Variants in RBM19 observed in about 807,000 individuals in gnomAD.
RBM19 encodes the protein RNA binding motif protein 19.
In RBM19, 94 loss-of-function variants were observed where a neutral mutation model predicts 116.8. The ratio of observed to expected loss-of-function variants is 0.80; its 90% confidence interval spans 0.68 to 0.95. The LOEUF is 0.95. Ranked by LOEUF, RBM19 falls within the 40% of genes least tolerant of loss-of-function variation. The pLI, the probability that RBM19 is intolerant of heterozygous loss-of-function variation, is 0.00. For missense variants in RBM19, 1,161 were observed against 1,220.7 expected (o/e 0.95, Z 0.73); for synonymous variants, 475 against 494.1 (o/e 0.96, Z 0.51).
intron 21 of RBM19, among the ~76,000 whole-genome samples, chr12:113,875,583 T>C (rs1879614043): frequency 6.6e-6 from 1 of 152,150 alleles, no homozygotes; most frequent in Non-Finnish European, 1.5e-5. Context: ...CTTGGACATC[T>C]TGGTGTATGT....
intron 23 of RBM19, among the ~76,000 whole-genome samples, chr12:113,830,982 GGGT>G (rs1383023759): frequency 6.6e-6 from 1 of 152,208 alleles, no homozygotes; most frequent in Non-Finnish European, 1.5e-5. Flanking sequence ...ACAGTCCAGG[GGGT>G]CGGGGGAGAC....
intron 23 of RBM19, among the ~76,000 whole-genome samples, chr12:113,828,691 G>T (rs994588423): frequency 6.6e-6 from 1 of 152,162 alleles, no homozygotes; most frequent in African/African-American, 2.4e-5. Flanking sequence ...GGGTACCGCA[G>T]GGGGGCTGGG....
chr12:113,822,689 C>T lies in RBM19; in HGVS notation c.*535G>A, dbSNP rs1271510169. ...ACAGGGCTCAGCACCATGCCCGGCA[C>T]TCTTCATGCATTACTGCGTTTATTT... On this transcript the variant is annotated 3_prime_UTR_variant, in exon 24 of 24. Transcript: ENST00000261741. The T allele has an allele frequency of 6.5e-6, 1 of 154,440 alleles. No individual in the cohort carries two copies. The highest frequency in any genetic ancestry group is 2.4e-5 in the African/African-American group (1 of 41,450). The allele number at this position is 154,440 out of a possible 1,614,324, so 9.6% of individuals were successfully genotyped here.
chr12:113,877,136 G>A lies in RBM19; in HGVS notation c.2559-18240C>T, dbSNP rs561957776. 2.6e-5 allele frequency among the ~76,000 whole-genome samples: 4 copies of A among 152,348 alleles called. No individual in the cohort carries two copies. In the East Asian group the frequency reaches 5.8e-4, roughly 22 times the overall value. On this transcript the variant is annotated intron_variant, in intron 21 of 23. Coordinates refer to ENST00000261741, the MANE Select transcript of RBM19 (RefSeq NM_016196.4). ...GTCTCACTCTCTGCAAATCAAGACA[G>A]GGAAGCTTCTCTAGGGTGTGGAGGT...
rs563653025 is a variant in RBM19, at chr12:113,935,963, G to A, written c.2068+1044C>T. On this transcript the variant is annotated intron_variant, in intron 16 of 23. Coordinates refer to ENST00000261741, the MANE Select transcript of RBM19 (RefSeq NM_016196.4). ...AGGCAGGAGAATTGCTTCAACCCAG[G>A]AGGCAGAGGTTGCAGTGAGCCAAGA... 2.0e-4 allele frequency among the ~76,000 whole-genome samples: 31 copies of A among 152,054 alleles called. No homozygotes were observed. The South Asian group carries it at 5.8e-3, about 29-fold the overall frequency.
intron 13 of RBM19, among the ~76,000 whole-genome samples, chr12:113,944,367 G>A (rs373804206): frequency 6.6e-5 from 10 of 151,838 alleles, no homozygotes; most frequent in East Asian, 3.9e-4. Context: ...CAAAGAGCTC[G>A]GTTTATAGGT....
At chr12:113,865,029 C>A (rs1171051958) in intron 21 of RBM19, among the ~76,000 whole-genome samples, 1 of 152,234 alleles carries the variant, frequency 6.6e-6, no homozygotes, top group Non-Finnish European at 1.5e-5. Context: ...TCATCTCTTC[C>A]AAATTGCTTA....
intron 21 of RBM19, among the ~76,000 whole-genome samples, chr12:113,897,578 G>T (rs1239355843): frequency 6.6e-6 from 1 of 152,264 alleles, no homozygotes; most frequent in Non-Finnish European, 1.5e-5. Context: ...TCGGGAGGCT[G>T]AGGTGGGAGG....
chr12:113,843,407 G>A (rs1876671402), intron 23 of RBM19, among the ~76,000 whole-genome samples: 1 of 152,172 alleles, frequency 6.6e-6, no homozygotes. Context: ...CGACAATGAG[G>A]TGGGGAGGAA....
intron 8 of RBM19, among the ~76,000 whole-genome samples, chr12:113,950,788 T>C (rs569603516): frequency 1.3e-5 from 2 of 152,268 alleles, no homozygotes; most frequent in South Asian, 4.1e-4. Context: ...TTTTCTGCCT[T>C]TAATCACAAG....
rs60891385 is a variant in RBM19 at position 113,822,358 on chromosome 12, A to G, written c.*866T>C. The G allele has an allele frequency of 0.1, 15,681 of 152,306 alleles. 1,010 individuals carry two copies. Among genetic ancestry groups the G allele is most frequent in the South Asian group, 0.24 (1,144 of 4,826 alleles). 9.4% of individuals were successfully genotyped at this position (152,306 alleles called of 1,614,324 possible). A position where few individuals can be genotyped will look rare whatever the true frequency, so the allele number is the denominator to read the frequency against. On this transcript the variant is annotated 3_prime_UTR_variant, in exon 24 of 24. Coordinates refer to ENST00000261741, the MANE Select transcript of RBM19 (RefSeq NM_016196.4). The stretch of plus-strand genomic sequence containing the variant: ...GAAAATGTGAACACGGGCGCCTGAG[A>G]GAAGCCTGGGGATGCTGCTGGCCAG...
chr12:113,836,676 G>C lies in RBM19; in HGVS notation c.2785+7992C>G, dbSNP rs572212214. On this transcript the variant is annotated intron_variant, in intron 23 of 23. Coordinates refer to ENST00000261741, the MANE Select transcript of RBM19 (RefSeq NM_016196.4). Reference sequence around the variant, plus strand: ...CTCCTCCTTCTCCTCATGGCACCTGGGCACTAATAAGCTCCTATTAGGTGC... The same window carrying C: ...CTCCTCCTTCTCCTCATGGCACCTGCGCACTAATAAGCTCCTATTAGGTGC... 3.3e-5 allele frequency among the ~76,000 whole-genome samples: 5 copies of C among 152,074 alleles called. No homozygotes were observed. The South Asian group carries it at 1.0e-3, about 32-fold the overall frequency.
downstream of RBM19, chr12:113,817,118 G>A (rs1049918963): frequency 1.3e-5 from 2 of 152,180 alleles, no homozygotes; most frequent in Admixed American, 6.5e-5. Flanking sequence ...TGCGAGAGAC[G>A]GCCCTGCACA....
chr12:113,831,712 G>A (rs990252704), intron 23 of RBM19, among the ~76,000 whole-genome samples: 1 of 152,246 alleles, frequency 6.6e-6, no homozygotes, highest in Non-Finnish European at 1.5e-5. Flanking sequence ...TGGATTGGGA[G>A]CAAGTACCTT....
At chr12:113,834,697 A>G (rs1002782078) in intron 23 of RBM19, among the ~76,000 whole-genome samples, 1 of 152,204 alleles carries the variant, frequency 6.6e-6, no homozygotes, top group African/African-American at 2.4e-5. Context: ...CAGATCCAAT[A>G]AAGAGAGGGC....
chr12:113,823,837 T>C (rs958138830), intron 23 of RBM19, among the ~76,000 whole-genome samples: 5 of 152,110 alleles, frequency 3.3e-5, no homozygotes, highest in Non-Finnish European at 5.9e-5. Flanking sequence ...GGGAGACAAG[T>C]AGAAGTTGTT....
chr12:113,861,083 T>C (rs899118465), intron 21 of RBM19, among the ~76,000 whole-genome samples: 1 of 152,234 alleles, frequency 6.6e-6, no homozygotes. Context: ...CCAGGGATCC[T>C]TCCTCACAGG....
At chr12:113,947,301 C>T (rs1465976952) in intron 11 of RBM19, 33 bp downstream of exon 11, 1 of 1,556,238 alleles carries the variant, frequency 6.4e-7, no homozygotes, top group Admixed American at 1.8e-5. Context: ...GTGAGCCCCA[C>T]AGCCTCCTGG....
rs757963254 is a variant in RBM19, at chr12:113,924,771, T to C, written c.2245-14A>G. On this transcript the variant is annotated splice_polypyrimidine_tract_variant and intron_variant, in intron 17 of 23. Coordinates refer to ENST00000261741, the MANE Select transcript of RBM19 (RefSeq NM_016196.4). ...TTTTGAAAACACCTGGATAAGAAAG[T>C]AACAAGTATCATCAGCAGCTCTAAA... is the stretch of plus-strand genomic sequence containing the variant. 3.3e-6 allele frequency: 5 copies of C among 1,533,436 alleles called. No individual in the cohort carries two copies. In the Admixed American group the frequency reaches 8.3e-5, roughly 26 times the overall value. The allele number at this position is 1,533,436 out of a possible 1,614,324, so 95.0% of individuals were successfully genotyped here. A position where few individuals can be genotyped will look rare whatever the true frequency, so the allele number is the denominator to read the frequency against.
Sources: allele counts gnomAD v4.1 joint callset (sites outside exome capture counted in the v4.1 genomes callset), GRCh38; gene constraint gnomAD v4.1.1; transcripts MANE v1.5; gene names NCBI Gene and HGNC (gene_info 2026-07-23, HGNC 2026-07-21).